Variants in SCN9A observed in about 807,000 individuals in gnomAD.
SCN9A encodes the protein sodium channel protein type 9 subunit alpha.
In SCN9A, 131 loss-of-function variants were observed where a neutral mutation model predicts 187.0. The ratio of observed to expected loss-of-function variants is 0.70; its 90% CI spans 0.61 to 0.81. The LOEUF (loss-of-function observed/expected upper bound fraction) is 0.81, where lower values mean the gene tolerates loss of function less well. Among genes scored for constraint, SCN9A ranks in the 30% least tolerant of loss-of-function variants. SCN9A has a pLI of 0.00. For missense variants in SCN9A, 2,252 were observed against 2,396.6 expected (o/e 0.94, Z 1.26); for synonymous variants, 809 against 808.6 (o/e 1.00, Z -0.01).
At chr2:166,236,517 T>C (rs1370433511) in intron 20 of SCN9A, among the ~76,000 whole-genome samples, 1 of 151,950 alleles carries the variant, frequency 6.6e-6, no homozygotes, top group Non-Finnish European at 1.5e-5. Flanking sequence ...GCCTACCGGG[T>C]TCAAGCGATT....
chr2:166,204,195 C>G lies in SCN9A; in HGVS notation c.4534G>C (p.Val1512Leu). 6.2e-7 allele frequency: 1 copy of G among 1,612,210 alleles called. No individual in the cohort carries two copies. The highest frequency in any genetic ancestry group is 8.5e-7 in the Non-Finnish European group (1 of 1,178,846). The change falls in exon 26 of 27, where the codon GTG (valine) becomes CTG (leucine). Residue 1512 changes from valine (V) to leucine (L), a missense_variant. This residue lies in a region of SCN9A where 368 missense variants were observed against 408.6 expected (regional missense o/e 0.90). Transcript: ENST00000642356. Reference protein sequence around the residue: ...NKIQGCIFDLVTNQAFDISIM... With the variant: ...NKIQGCIFDLLTNQAFDISIM... ...CTAATATCAAAGGCTTGATTTGTCA[C>G]TAGGTCAAATATACATCCTTGGATT... is the stretch of plus-strand genomic sequence containing the variant.
intron 1 of SCN9A, among the ~76,000 whole-genome samples, chr2:166,336,045 G>T (rs113309940): frequency 6.6e-6 from 1 of 152,036 alleles, no homozygotes; most frequent in African/African-American, 2.4e-5. Flanking sequence ...ACCATTTTAT[G>T]TAAAGAACTT....
intron 1 of SCN9A, among the ~76,000 whole-genome samples, chr2:166,312,391 A>G (rs1008001084): frequency 1.3e-5 from 2 of 152,120 alleles, no homozygotes; most frequent in Non-Finnish European, 2.9e-5. Context: ...TCTTAATTCT[A>G]ATTCTCTTGC....
At chr2:166,217,601 A>G (rs1694391935) in intron 24 of SCN9A, among the ~76,000 whole-genome samples, 1 of 152,156 alleles carries the variant, frequency 6.6e-6, no homozygotes, top group African/African-American at 2.4e-5. Context: ...GCCAATAGAT[A>G]TATTAAAAAA....
chr2:166,370,468 A>G (rs1202426634), intron 1 of SCN9A, among the ~76,000 whole-genome samples: 1 of 151,540 alleles, frequency 6.6e-6, no homozygotes, highest in East Asian at 1.9e-4. Context: ...GTGTGAACCC[A>G]GGACGCGGAG....
intron 16 of SCN9A, chr2:166,276,634 T>G (rs949644491): frequency 6.1e-6 from 1 of 164,004 alleles, no homozygotes; most frequent in Non-Finnish European, 1.3e-5. Flanking sequence ...CCTTGGTCCA[T>G]TATTAACTTC....
intron 11 of SCN9A, among the ~76,000 whole-genome samples, chr2:166,285,090 C>G (rs532591601): frequency 1.3e-5 from 2 of 152,256 alleles, no homozygotes; most frequent in South Asian, 4.1e-4. Flanking sequence ...AGTTACTGCT[C>G]CATTCTTTTA....
intron 1 of SCN9A, among the ~76,000 whole-genome samples, chr2:166,324,028 G>A (rs777012344): frequency 3.3e-5 from 5 of 150,806 alleles, no homozygotes; most frequent in Admixed American, 1.3e-4. Flanking sequence ...TTATTTCAAG[G>A]AGCAGGAAAA....
intron 17 of SCN9A, among the ~76,000 whole-genome samples, chr2:166,264,695 T>A (rs945048956): frequency 6.6e-6 from 1 of 151,940 alleles, no homozygotes; most frequent in South Asian, 2.1e-4. Context: ...CACTGAAAAT[T>A]CTCCATAAAC....
At chr2:166,355,257 A>G (rs774482073) in intron 1 of SCN9A, among the ~76,000 whole-genome samples, 3 of 152,220 alleles carry the variant, frequency 2.0e-5, no homozygotes, top group Non-Finnish European at 4.4e-5. Flanking sequence ...TTATATATAT[A>G]TACATACTGA....
rs1027538447 is a variant in SCN9A, at chr2:166,299,772, C to T, written c.901+3318G>A. The stretch of plus-strand genomic sequence containing the variant: ...CCTCTGATTTCTATACTTAAATCTC[C>T]AATTCTCTATATTATATATCCACCT... On this transcript the variant is annotated intron_variant, in intron 7 of 26. Coordinates refer to ENST00000642356, the MANE Select transcript of SCN9A (RefSeq NM_001365536.1). Among the ~76,000 whole-genome samples the T allele has an allele frequency of 3.3e-5, 5 of 150,782 alleles. 1 individual carries two copies. Among genetic ancestry groups the T allele is most frequent in the South Asian group, 2.1e-4 (1 of 4,830 alleles).
chr2:166,303,111 C>G lies in SCN9A; in HGVS notation c.880G>C (p.Glu294Gln). 6.2e-7 allele frequency: 1 copy of G among 1,603,748 alleles called. No homozygotes were observed. Among genetic ancestry groups the G allele is most frequent in the Non-Finnish European group, 8.5e-7 (1 of 1,173,492 alleles). ...ETLESIMNTL[E>Q]SEEDFRKYFY... ...TTACTTCTAAAGTCTTCTTCACTCT[C>G]TAGGGTATTCATTATGCTTTCTAAT... The change falls in exon 7 of 27, where the codon GAG (glutamate) becomes CAG (glutamine). Residue 294 changes from glutamate (E) to glutamine (Q), a missense_variant. This residue lies in a region of SCN9A where 1,013 missense variants were observed against 997.4 expected (regional missense o/e 1.02). Transcript: ENST00000642356.
chr2:166,243,829 G>A (rs1388741540), intron 18 of SCN9A, among the ~76,000 whole-genome samples: 2 of 151,962 alleles, frequency 1.3e-5, no homozygotes, highest in East Asian at 1.9e-4. Flanking sequence ...ATGTCTCCAC[G>A]GTACATGGAG....
intron 1 of SCN9A, among the ~76,000 whole-genome samples, chr2:166,365,441 C>T (rs1219492648): frequency 3.3e-5 from 5 of 152,088 alleles, no homozygotes; most frequent in Admixed American, 6.6e-5. Flanking sequence ...CATCCCTTTC[C>T]AAAGTTGTAC....
Position 166,375,857 on chromosome 2 carries a change from C to T in SCN9A, c.-211G>A, listed in dbSNP as rs2089928908. On this transcript the variant is annotated 5_prime_UTR_variant, in exon 1 of 27. It adds an upstream start codon to the 5' untranslated region. Transcript: ENST00000642356. ...CGCCTGCCGCTAGCAGCCACTGGCA[C>T]CCAGGCTAGCCCAGCCTCAGCCGAG... The T allele has an allele frequency of 6.6e-6, 1 of 152,256 alleles. No individual in the cohort carries two copies. Among genetic ancestry groups the T allele is most frequent in the Admixed American group, 6.5e-5 (1 of 15,288 alleles). The allele number at this position is 152,256 out of a possible 1,614,324, so 9.4% of individuals were successfully genotyped here. A position where few individuals can be genotyped will look rare whatever the true frequency, so the allele number is the denominator to read the frequency against.
Position 166,286,488 on chromosome 2 carries a change from TC to T in SCN9A, c.1449del (p.Asn484IlefsTer81), listed in dbSNP as rs776905593. 6.2e-7 allele frequency: 1 copy of T among 1,613,816 alleles called. No individual in the cohort carries two copies. Among genetic ancestry groups the T allele is most frequent in the Non-Finnish European group, 8.5e-7 (1 of 1,179,836 alleles). The stretch of plus-strand genomic sequence containing the variant: ...TCTCCACTGGAGAGCTTCTTTTGAT[TC>T]TTTTTCTTTCTTCTGTTTCTTCTTT... ...AKERRNRRKKKNQKKLSSGEE... is the reference protein window; with the variant it reads ...AKERRNRRKKXNQKKLSSGEE... On this transcript the variant is annotated frameshift_variant, in exon 11 of 27. Transcript: ENST00000642356. LOFTEE classifies it high-confidence loss of function.
intron 1 of SCN9A, among the ~76,000 whole-genome samples, chr2:166,358,812 T>C (rs1700212997): frequency 6.6e-6 from 1 of 152,206 alleles, no homozygotes; most frequent in African/African-American, 2.4e-5. Flanking sequence ...TGTAATGACA[T>C]TGATATATTA....
At chr2:166,253,650 A>G (rs1015619581) in intron 17 of SCN9A, among the ~76,000 whole-genome samples, 3 of 151,828 alleles carry the variant, frequency 2.0e-5, no homozygotes, top group Non-Finnish European at 4.4e-5. Context: ...AGAAGACTAC[A>G]GTTTTAATGG....
At chr2:166,236,754 C>T (rs2106400992) in intron 20 of SCN9A, among the ~76,000 whole-genome samples, 1 of 152,258 alleles carries the variant, frequency 6.6e-6, no homozygotes, top group East Asian at 1.9e-4. Flanking sequence ...CTTTGAATAA[C>T]AGTTGAGAAA....
Sources: gnomAD v4.1 joint callset for allele counts (sites outside exome capture counted in the v4.1 genomes callset) on GRCh38, gnomAD v4.1.1 for gene constraint, gnomAD v4.1.1 regional missense constraint, MANE v1.5 for transcripts, NCBI Gene and HGNC (gene_info 2026-07-23, HGNC 2026-07-21) for gene names.